The following TPH2 variants were observed in gnomAD, a reference collection of about 807,000 sequenced individuals.
TPH2 encodes tryptophan 5-hydroxylase 2.
TPH2 carries 27 observed loss-of-function variants against 59.1 expected under a neutral mutation model. The observed-to-expected ratio is 0.46, with a 90% confidence interval of 0.34 to 0.63. TPH2 has a LOEUF of 0.63. Ranked by LOEUF, TPH2 falls within the 30% of genes least tolerant of loss-of-function variation. The pLI is 0.01. For synonymous variants in TPH2, 220 were observed against 210.5 expected (o/e 1.05, Z -0.39); for missense variants, 523 against 588.3 (o/e 0.89, Z 1.15).
chr12:72,031,518 C>T lies in TPH2; in HGVS notation c.1299-3C>T. On this transcript the variant is annotated splice_region_variant and splice_polypyrimidine_tract_variant and intron_variant, in intron 10 of 10. Coordinates refer to ENST00000333850, the MANE Select transcript of TPH2 (RefSeq NM_173353.4). ...TCTCTTTCTACTTCTGTTTATTCTG[C>T]AGGGACTTTGCAAAGTCAATTACCC... 3 of 1,613,430 alleles carry T rather than the reference C, an allele frequency of 1.9e-6. No homozygotes were observed. The highest frequency in any genetic ancestry group is 2.5e-6 in the Non-Finnish European group (3 of 1,179,608).
intron 9 of TPH2, among the ~76,000 whole-genome samples, chr12:72,025,877 GT>G (rs1234986753): frequency 6.6e-6 from 1 of 152,100 alleles, no homozygotes; most frequent in African/African-American, 2.4e-5. Context: ...TATGTCTATC[GT>G]TTTTTTGATA....
intron 8 of TPH2, among the ~76,000 whole-genome samples, chr12:72,015,608 C>T (rs915005583): frequency 1.3e-5 from 2 of 152,110 alleles, no homozygotes; most frequent in Non-Finnish European, 2.9e-5. Context: ...CGTGAGCCAC[C>T]GCGCCCGGCT....
chr12:72,012,173 TCAACAACAACAACAA>T lies in TPH2; in HGVS notation c.1069-10216_1069-10202del, dbSNP rs58438005. ...AGGCAGGATGATAGAGAGCAGGAAT[TCAACAACAACAACAA>T]CAACAACAATAACAACAACAACAAC... On this transcript the variant is annotated intron_variant, in intron 8 of 10. Coordinates refer to ENST00000333850, the MANE Select transcript of TPH2 (RefSeq NM_173353.4). 2.6e-5 allele frequency among the ~76,000 whole-genome samples: 4 copies of T among 151,536 alleles called. No homozygotes were observed. In the East Asian group the frequency reaches 7.8e-4, roughly 29 times the overall value.
intron 9 of TPH2, among the ~76,000 whole-genome samples, chr12:72,024,287 G>A (rs1259625750): frequency 2.6e-5 from 4 of 152,182 alleles, no homozygotes; most frequent in Non-Finnish European, 4.4e-5. Context: ...GAAAGGATGG[G>A]GTGCACCAGT....
chr12:71,962,814 G>A, intron 5 of TPH2: 1 of 325,362 alleles, frequency 3.1e-6, no homozygotes, highest in Non-Finnish European at 4.4e-6. Flanking sequence ...CGCCTCCTGG[G>A]TTCAAGCGAT....
Position 71,961,828 on chromosome 12 carries a change from G to A in TPH2, c.609-10691G>A, listed in dbSNP as rs966123123. The A allele has an allele frequency of 1.3e-5, 15 of 1,171,596 alleles. No individual in the cohort carries two copies. The African/African-American group carries it at 2.2e-4, about 18-fold the overall frequency. 72.6% of individuals were successfully genotyped at this position (1,171,596 alleles called of 1,614,324 possible). A position where few individuals can be genotyped will look rare whatever the true frequency, so the allele number is the denominator to read the frequency against. ...AAATAAAAACAAATAATTTCTAGGA[G>A]TTAAATCTTTGTTCTCCCTGAGGCT... On this transcript the variant is annotated intron_variant, in intron 5 of 10. Coordinates refer to ENST00000333850, the MANE Select transcript of TPH2 (RefSeq NM_173353.4).
chr12:71,971,025 C>T (rs1194319506), intron 5 of TPH2, among the ~76,000 whole-genome samples: 1 of 152,160 alleles, frequency 6.6e-6, no homozygotes. Flanking sequence ...GCCGAGAACA[C>T]TGAAATATGT....
chr12:71,946,317 C>T (rs1175411074), intron 4 of TPH2, among the ~76,000 whole-genome samples: 1 of 152,162 alleles, frequency 6.6e-6, no homozygotes, highest in Non-Finnish European at 1.5e-5. Context: ...CCTCCTATTT[C>T]CAAATGCTCC....
intron 7 of TPH2, 144 bp from the exon 8 acceptor site, chr12:71,994,295 T>C: frequency 1.2e-6 from 1 of 830,052 alleles, no homozygotes; most frequent in Non-Finnish European, 2.0e-6. Context: ...CATATTAAAA[T>C]GATTAAGAAG....
At chr12:71,945,620 C>T (rs937329054) in intron 4 of TPH2, among the ~76,000 whole-genome samples, 3 of 152,050 alleles carry the variant, frequency 2.0e-5, no homozygotes, top group East Asian at 1.9e-4. Flanking sequence ...TCTCTAAGTG[C>T]GACCCCAACA....
At chr12:72,002,506 G>A (rs145312628) in intron 8 of TPH2, among the ~76,000 whole-genome samples, 6 of 152,284 alleles carry the variant, frequency 3.9e-5, no homozygotes, top group African/African-American at 9.6e-5. Flanking sequence ...AGGTTAGAAC[G>A]CTAAACATTT....
At chr12:71,950,331 A>G (rs2139184777) in intron 5 of TPH2, among the ~76,000 whole-genome samples, 1 of 152,284 alleles carries the variant, frequency 6.6e-6, no homozygotes. Context: ...TGAGTCCGAA[A>G]AGAGAGTCAG....
intron 7 of TPH2, among the ~76,000 whole-genome samples, chr12:71,985,617 T>C (rs1004768974): frequency 6.6e-6 from 1 of 152,150 alleles, no homozygotes; most frequent in African/African-American, 2.4e-5. Flanking sequence ...CAGGCTGGTC[T>C]CGAACTCCTG....
intron 7 of TPH2, among the ~76,000 whole-genome samples, chr12:71,985,688 T>C (rs939373986): frequency 2.6e-5 from 4 of 152,152 alleles, no homozygotes; most frequent in Non-Finnish European, 5.9e-5. Flanking sequence ...TGAGCCACTG[T>C]ACCTGGCCTT....
intron 6 of TPH2, among the ~76,000 whole-genome samples, chr12:71,973,607 G>A (rs60032326): frequency 0.19 from 28,275 of 151,998 alleles, 3,155 homozygotes; most frequent in East Asian, 0.34. Context: ...ATAAAAATGG[G>A]CAACCAGCGA....
chr12:72,031,467 C>T (rs778241404), intron 10 of TPH2, 54 bp from the exon 11 acceptor site: 12 of 1,612,686 alleles, frequency 7.4e-6, no homozygotes, highest in South Asian at 2.2e-5. Context: ...TTTATCTATC[C>T]CTCGTACCAA....
At chr12:71,951,143 C>T (rs1199222382) in intron 5 of TPH2, among the ~76,000 whole-genome samples, 1 of 152,096 alleles carries the variant, frequency 6.6e-6, no homozygotes. Flanking sequence ...CCTCAGGCCC[C>T]CTTCTTACCC....
intron 5 of TPH2, among the ~76,000 whole-genome samples, chr12:71,960,908 G>A (rs961394994): frequency 2.6e-5 from 4 of 152,156 alleles, no homozygotes; most frequent in Non-Finnish European, 5.9e-5. Flanking sequence ...CAACCCTGCA[G>A]GGAAGTGATG....
chr12:72,023,144 G>A (rs570049840), intron 9 of TPH2, among the ~76,000 whole-genome samples: 5 of 152,096 alleles, frequency 3.3e-5, no homozygotes, highest in African/African-American at 9.6e-5. Flanking sequence ...AAATATTCTG[G>A]TCTTTTAAGA....
Sources: gnomAD v4.1 joint callset for allele counts (sites outside exome capture counted in the v4.1 genomes callset) on GRCh38, gnomAD v4.1.1 for gene constraint, MANE v1.5 for transcripts, NCBI Gene and HGNC (gene_info 2026-07-23, HGNC 2026-07-21) for gene names.